The following ABCG8 variants were observed in gnomAD, a reference collection of about 807,000 sequenced individuals.
The protein encoded by ABCG8 is ATP-binding cassette sub-family G member 8.
A neutral mutation model predicts 71.3 loss-of-function variants in ABCG8; 81 were observed. The ratio of observed to expected loss-of-function variants is 1.14; its 90% CI spans 0.95 to 1.37. ABCG8 has a LOEUF of 1.37. ABCG8 is among the 40% of genes most tolerant of loss of function. ABCG8 has a pLI of 0.00. For synonymous variants in ABCG8, 451 were observed against 354.7 expected (o/e 1.27, Z -3.05); for missense variants, 1,119 against 866.2 (o/e 1.29, Z -3.66).
At chr2:43,869,435 A>G (rs1012042232) in intron 6 of ABCG8, among the ~76,000 whole-genome samples, 1 of 151,992 alleles carries the variant, frequency 6.6e-6, no homozygotes, top group African/African-American at 2.4e-5. Flanking sequence ...CACTCTCTGG[A>G]TAGAACTCTC....
chr2:43,858,466 C>T (rs1669189238), intron 6 of ABCG8, among the ~76,000 whole-genome samples: 1 of 151,654 alleles, frequency 6.6e-6, no homozygotes, highest in South Asian at 2.1e-4. Flanking sequence ...GGACAGAACT[C>T]TCACAATCTG....
intron 3 of ABCG8, chr2:43,847,173 G>A (rs1668770946): frequency 6.6e-6 from 1 of 152,208 alleles, no homozygotes; most frequent in Non-Finnish European, 1.5e-5. Context: ...CCCTTACATA[G>A]TGCTGGAGAG....
rs566754602 is a variant in ABCG8 at position 43,882,963 on chromosome 2, T to C, written c.*5050T>C. ...GCTAATAAGCTCTACTGACCCATGC[T>C]AAAAATAAAGCTCTTTCGGCTGGGC... On this transcript the variant is annotated 3_prime_UTR_variant, in exon 13 of 13. Coordinates refer to ENST00000272286, the MANE Select transcript of ABCG8 (RefSeq NM_022437.3). 1 of 152,332 alleles carries C rather than the reference T, an allele frequency of 6.6e-6. No individual in the cohort carries two copies. The highest frequency in any genetic ancestry group is 1.9e-4 in the East Asian group (1 of 5,182). The allele number at this position is 152,332 out of a possible 1,614,324, so 9.4% of individuals were successfully genotyped here.
At chr2:43,873,695 G>A (rs745473287) in intron 8 of ABCG8, 92 bp from the exon 9 acceptor site, 229 of 1,362,324 alleles carry the variant, frequency 1.7e-4, no homozygotes, top group Non-Finnish European at 2.3e-4. Context: ...TTGCATAGGA[G>A]AAAAATGAGG....
At chr2:43,864,928 A>G (rs115395766) in intron 6 of ABCG8, among the ~76,000 whole-genome samples, 7,461 of 151,060 alleles carry the variant, frequency 0.049, 218 homozygotes, top group Middle Eastern at 0.1. Flanking sequence ...AACTCTCTGC[A>G]TATAACTCTC....
intron 2 of ABCG8, among the ~76,000 whole-genome samples, chr2:43,845,435 G>C (rs116654048): frequency 0.023 from 3,575 of 152,188 alleles, 138 homozygotes; most frequent in African/African-American, 0.082. Context: ...CAAGGATTCT[G>C]AGCATATCTA....
chr2:43,874,457 A>G lies in ABCG8; in HGVS notation c.1462A>G (p.Thr488Ala), dbSNP rs776497214. 10 of 1,613,796 alleles carry G rather than the reference A, an allele frequency of 6.2e-6. No homozygotes were observed. In the Admixed American group the frequency reaches 1.5e-4, roughly 24 times the overall value. Residue 488 changes from threonine to alanine, a missense_variant, in exon 10 of 13, where the codon ACC (threonine) becomes GCC (alanine). By Grantham distance (58) the Thr-to-Ala change is moderately conservative. Coordinates refer to ENST00000272286, the MANE Select transcript of ABCG8 (RefSeq NM_022437.3). ...LYYELEDGLY[T>A]TGPYFFAKIL... is the part of the protein sequence containing the mutation. Reference sequence around the variant, plus strand: ...CTATGAACTGGAAGACGGGCTGTACACCACTGGTCCATATTTCTTTGCCAA... The same window carrying G: ...CTATGAACTGGAAGACGGGCTGTACGCCACTGGTCCATATTTCTTTGCCAA...
intron 1 of ABCG8, among the ~76,000 whole-genome samples, chr2:43,840,028 A>G (rs1668520081): frequency 6.6e-6 from 1 of 152,146 alleles, no homozygotes; most frequent in Non-Finnish European, 1.5e-5. Flanking sequence ...TGAATTCGGG[A>G]TGTGGCAGGA....
intron 6 of ABCG8, among the ~76,000 whole-genome samples, chr2:43,864,776 C>G (rs1310821785): frequency 6.6e-6 from 1 of 151,038 alleles, no homozygotes; most frequent in Non-Finnish European, 1.5e-5. Flanking sequence ...CTGTCACTAT[C>G]TGGATAGAAT....
At chr2:43,866,003 A>G (rs942457255) in intron 6 of ABCG8, among the ~76,000 whole-genome samples, 1 of 152,060 alleles carries the variant, frequency 6.6e-6, no homozygotes, top group Non-Finnish European at 1.5e-5. Context: ...AGAAATATAG[A>G]TCAATAGAAC....
chr2:43,840,101 C>T (rs975775426), intron 1 of ABCG8, among the ~76,000 whole-genome samples: 1 of 152,218 alleles, frequency 6.6e-6, no homozygotes, highest in Non-Finnish European at 1.5e-5. Flanking sequence ...CACCACCTCA[C>T]CCCATCCTAC....
In ABCG8 at chr2:43,873,871, C is replaced by A; in HGVS notation, c.1296C>A (p.Gly432=). Residue 432 remains glycine, a synonymous_variant, in exon 9 of 13, where the codon GGC becomes GGA. Coordinates refer to ENST00000272286, the MANE Select transcript of ABCG8 (RefSeq NM_022437.3). ...AEACLMSMTI[G]FLYFGHGSIQ... is the part of the protein sequence containing the mutation. ...CCTGTCTGATGTCAATGACCATCGG[C>A]TTCCTCTATTTTGGCCATGGGAGCA... 1 of 1,613,308 alleles carries A rather than the reference C, an allele frequency of 6.2e-7. No individual in the cohort carries two copies. The highest frequency in any genetic ancestry group is 8.5e-7 in the Non-Finnish European group (1 of 1,179,276).
intron 6 of ABCG8, among the ~76,000 whole-genome samples, chr2:43,861,209 G>C (rs1185890638): frequency 2.0e-5 from 3 of 151,366 alleles, no homozygotes; most frequent in Non-Finnish European, 4.5e-5. Context: ...TGACTGGATA[G>C]AATTCTTACT....
chr2:43,851,885 C>G (rs1248782782), intron 4 of ABCG8, 63 bp downstream of exon 4: 7 of 1,556,156 alleles, frequency 4.5e-6, no homozygotes, highest in Admixed American at 1.7e-5. Context: ...ATGCCCCGCT[C>G]CTCCCCTGCT....
chr2:43,870,348 A>G (rs570132876), intron 6 of ABCG8, among the ~76,000 whole-genome samples: 1 of 151,912 alleles, frequency 6.6e-6, no homozygotes, highest in South Asian at 2.1e-4. Flanking sequence ...TATGGAAAGA[A>G]TTCACTCTCT....
intron 6 of ABCG8, among the ~76,000 whole-genome samples, chr2:43,868,091 A>G (rs146967549): frequency 1.4e-3 from 217 of 151,946 alleles, no homozygotes; most frequent in African/African-American, 4.9e-3. Flanking sequence ...CATTCTCTGG[A>G]TAGATCTCTC....
In ABCG8 at chr2:43,851,667, G is replaced by T. The variant is rs1668919784; in HGVS notation, c.406G>T (p.Gly136Trp). ...CAAGTCAGGCCAGATCTGGATCAATGGGCAGCCCAGCTCGCCTCAGCTGGT... is the reference window on the plus strand; with the variant it reads ...CAAGTCAGGCCAGATCTGGATCAATTGGCAGCCCAGCTCGCCTCAGCTGGT... ...KIKSGQIWIN[G>W]QPSSPQLVRK... The change falls in exon 4 of 13, where the codon GGG (glycine) becomes TGG (tryptophan). Residue 136 changes from glycine (G) to tryptophan (W), a missense_variant. By Grantham distance (184) the Gly-to-Trp change is radical (BLOSUM62 -2). Transcript: ENST00000272286. The T allele has an allele frequency of 2.5e-6, 4 of 1,614,082 alleles. No homozygotes were observed. Among genetic ancestry groups the T allele is most frequent in the Middle Eastern group, 1.6e-4 (1 of 6,084 alleles).
chr2:43,870,045 T>A (rs992334977), intron 6 of ABCG8, among the ~76,000 whole-genome samples: 2 of 151,216 alleles, frequency 1.3e-5, no homozygotes, highest in Admixed American at 6.6e-5. Flanking sequence ...CTGGATAGAA[T>A]TCTTACTCTT....
intron 6 of ABCG8, among the ~76,000 whole-genome samples, chr2:43,860,979 A>G (rs1419763677): frequency 1.3e-5 from 2 of 149,102 alleles, no homozygotes; most frequent in African/African-American, 4.9e-5. Flanking sequence ...TCTGGATAGA[A>G]CTCTCACTAT....
Sources: allele counts gnomAD v4.1 joint callset (sites outside exome capture counted in the v4.1 genomes callset), GRCh38; gene constraint gnomAD v4.1.1; transcripts MANE v1.5; gene names NCBI Gene and HGNC (gene_info 2026-07-23, HGNC 2026-07-21).